Variants in CHD9 observed in about 807,000 individuals in gnomAD.
CHD9 encodes the protein chromodomain helicase DNA binding protein 9, also known as ATP-dependent chromatin remodeler CHD9.
In CHD9, 77 loss-of-function variants were observed where a neutral mutation model predicts 316.1. The observed-to-expected ratio is 0.24, with a 90% CI of 0.20 to 0.29. The LOEUF (loss-of-function observed/expected upper bound fraction) is 0.29, where lower values mean the gene tolerates loss of function less well. Ranked by LOEUF, CHD9 falls within the 10% of genes least tolerant of loss-of-function variation. CHD9 has a pLI of 1.00. For synonymous variants in CHD9, 1,129 were observed against 1,158.3 expected (o/e 0.97, Z 0.51); for missense variants, 2,763 against 3,438.1 (o/e 0.80, Z 4.91).
intron 2 of CHD9, among the ~76,000 whole-genome samples, chr16:53,165,486 T>C (rs1244964484): frequency 6.6e-6 from 1 of 152,156 alleles, no homozygotes; most frequent in Non-Finnish European, 1.5e-5. Context: ...CAGAAGGTAA[T>C]GGTGGTGGTG....
At chr16:53,312,887 A>C (rs935678729) in intron 34 of CHD9, among the ~76,000 whole-genome samples, 3 of 152,212 alleles carry the variant, frequency 2.0e-5, no homozygotes, top group Admixed American at 2.0e-4. Context: ...TCCTTGAATG[A>C]CTGGAAATGC....
At chr16:53,293,201 TCA>T in intron 29 of CHD9, 149 bp downstream of exon 29, 1 of 643,556 alleles carries the variant, frequency 1.6e-6, no homozygotes, top group Non-Finnish European at 2.7e-6. Flanking sequence ...ACACATATAC[TCA>T]CACATTTATA....
intron 2 of CHD9, among the ~76,000 whole-genome samples, chr16:53,205,137 G>A (rs985536004): frequency 1.3e-5 from 2 of 152,102 alleles, no homozygotes; most frequent in African/African-American, 2.4e-5. Context: ...CACCGCGCCC[G>A]ACCTATTATT....
intron 1 of CHD9, among the ~76,000 whole-genome samples, chr16:53,073,542 G>A (rs1426622292): frequency 1.3e-5 from 2 of 152,324 alleles, no homozygotes; most frequent in East Asian, 1.9e-4. Flanking sequence ...GTTTGGCTCT[G>A]TGTCCCCACC....
At chr16:53,068,249 TG>T (rs2033697469) in intron 1 of CHD9, among the ~76,000 whole-genome samples, 1 of 152,190 alleles carries the variant, frequency 6.6e-6, no homozygotes, top group Admixed American at 6.5e-5. Context: ...TAGTCCTCTA[TG>T]AATAGAAGTT....
At chr16:53,240,164 C>T (rs2048969028) in intron 12 of CHD9, among the ~76,000 whole-genome samples, 1 of 152,148 alleles carries the variant, frequency 6.6e-6, no homozygotes, top group Non-Finnish European at 1.5e-5. Context: ...ACCTCAGCCT[C>T]CCAAAGTGCT....
At chr16:53,161,480 G>A (rs2041909866) in intron 2 of CHD9, among the ~76,000 whole-genome samples, 1 of 152,010 alleles carries the variant, frequency 6.6e-6, no homozygotes, top group African/African-American at 2.4e-5. Context: ...TGGGTTCTTT[G>A]TTGGGCTTCT....
chr16:53,178,570 C>G (rs1028788699), intron 2 of CHD9, among the ~76,000 whole-genome samples: 3 of 151,806 alleles, frequency 2.0e-5, no homozygotes, highest in Non-Finnish European at 2.9e-5. Context: ...CCTGCCTCAG[C>G]CTCCCATGTA....
intron 2 of CHD9, among the ~76,000 whole-genome samples, chr16:53,171,861 GACACAC>G (rs750572537): frequency 0.17 from 20,865 of 124,608 alleles, 1,595 homozygotes; most frequent in South Asian, 0.24. Context: ...CACACACACA[GACACAC>G]ACACACACAC....
chr16:53,055,547 G>T (rs1224874356), intron 1 of CHD9, among the ~76,000 whole-genome samples: 1 of 148,782 alleles, frequency 6.7e-6, no homozygotes, highest in Non-Finnish European at 1.5e-5. Context: ...CTGGACATCT[G>T]GGTATTAAAA....
rs115650012 is a variant in CHD9, at chr16:53,195,872, C to G, written c.1453-13610C>G. 4.9e-3 allele frequency among the ~76,000 whole-genome samples: 737 copies of G among 151,854 alleles called. 5 individuals carry two copies. The highest frequency in any genetic ancestry group is 0.017 in the African/African-American group (702 of 41,328). On this transcript the variant is annotated intron_variant, in intron 2 of 38. Coordinates refer to ENST00000447540, the MANE Select transcript of CHD9 (RefSeq NM_001308319.2). ...TCCCAAGTTCAAGCAATTCTCACAC[C>G]TGAATCTCCCAAGTAGCTGGGATCA...
intron 1 of CHD9, among the ~76,000 whole-genome samples, chr16:53,105,469 TA>T (rs1567331664): frequency 6.6e-6 from 1 of 152,274 alleles, no homozygotes; most frequent in African/African-American, 2.4e-5. Context: ...TCTCATTTTT[TA>T]AAAATGATTT....
chr16:53,136,202 TG>T (rs2039698636), intron 1 of CHD9, among the ~76,000 whole-genome samples: 1 of 152,194 alleles, frequency 6.6e-6, no homozygotes, highest in African/African-American at 2.4e-5. Context: ...GTTTGGTTTT[TG>T]TTTGATTTTT....
intron 15 of CHD9, among the ~76,000 whole-genome samples, 171 bp from the exon 16 acceptor site, chr16:53,247,122 T>C (rs2049703425): frequency 6.6e-6 from 1 of 152,224 alleles, no homozygotes; most frequent in African/African-American, 2.4e-5. Flanking sequence ...CAGTCTGGTA[T>C]TGGTGGAGGT....
At chr16:53,062,442 A>T (rs1374061341) in intron 1 of CHD9, among the ~76,000 whole-genome samples, 4 of 152,188 alleles carry the variant, frequency 2.6e-5, no homozygotes, top group South Asian at 2.1e-4. Flanking sequence ...TGGTATGAGG[A>T]TAGAATAAAA....
chr16:53,085,092 A>T (rs1250006206), intron 1 of CHD9, among the ~76,000 whole-genome samples: 1 of 152,214 alleles, frequency 6.6e-6, no homozygotes, highest in East Asian at 1.9e-4. Flanking sequence ...TTGGAAAAAT[A>T]AAAGATCTGG....
At chr16:53,312,957 C>T (rs2056591047) in intron 34 of CHD9, among the ~76,000 whole-genome samples, 1 of 152,084 alleles carries the variant, frequency 6.6e-6, no homozygotes, top group Non-Finnish European at 1.5e-5. Flanking sequence ...AATAATACAT[C>T]CTTTTAATAA....
chr16:53,064,417 G>A (rs1354042040), intron 1 of CHD9, among the ~76,000 whole-genome samples: 2 of 152,088 alleles, frequency 1.3e-5, no homozygotes, highest in African/African-American at 2.4e-5. Context: ...CTCATTCCAG[G>A]GGCTCAGGGT....
intron 1 of CHD9, among the ~76,000 whole-genome samples, chr16:53,094,247 C>T (rs774084568): frequency 1.6e-4 from 25 of 152,182 alleles, no homozygotes; most frequent in East Asian, 1.9e-4. Context: ...TTCCTATATA[C>T]ACCCAGCATC....
Sources: allele counts gnomAD v4.1 joint callset (sites outside exome capture counted in the v4.1 genomes callset), GRCh38; gene constraint gnomAD v4.1.1; transcripts MANE v1.5; gene names NCBI Gene and HGNC (gene_info 2026-07-23, HGNC 2026-07-21).